TJP2: variants seen among roughly 807,000 people sequenced by gnomAD.
The protein encoded by TJP2 is tight junction protein 2.
Under a neutral mutation model 133.1 loss-of-function variants are expected in TJP2, and 91 were observed. The ratio of observed to expected loss-of-function variants is 0.68; its 90% CI spans 0.58 to 0.81. The LOEUF is 0.81. Ranked by LOEUF, TJP2 falls within the 40% of genes least tolerant of loss-of-function variation. TJP2 has a pLI of 0.00. For missense variants in TJP2, 1,541 were observed against 1,565.6 expected (o/e 0.98, Z 0.26); for synonymous variants, 592 against 583.4 (o/e 1.01, Z -0.21).
At chr9:69,173,748 C>A (rs1410052306), upstream of TJP2, among the ~76,000 whole-genome samples, 1 of 152,186 alleles carries the variant, frequency 6.6e-6, no homozygotes, top group Non-Finnish European at 1.5e-5. Context: ...ACTGAAGCTG[C>A]CTGTGTGAGG....
intron 3 of TJP2, 127 bp downstream of exon 3, chr9:69,216,590 A>G (rs1828400329): frequency 1.9e-6 from 2 of 1,056,958 alleles, no homozygotes; most frequent in East Asian, 2.6e-5. Flanking sequence ...ATAATATTTG[A>G]AAAGTCTTCA....
intron 1 of TJP2, among the ~76,000 whole-genome samples, chr9:69,206,601 G>A (rs1014483651): frequency 1.3e-5 from 2 of 149,524 alleles, no homozygotes; most frequent in South Asian, 2.1e-4. Context: ...TTTTTGAGAC[G>A]GAGTCTTGCT....
At chr9:69,127,416 A>G (rs143312969) in intron 1 of TJP2, among the ~76,000 whole-genome samples, 1,383 of 75,914 alleles carry the variant, frequency 0.018, 515 homozygotes, top group African/African-American at 0.044. Context: ...TTAGCTGGGC[A>G]TGGTAGTTTA....
intron 2 of TJP2, among the ~76,000 whole-genome samples, chr9:69,166,617 G>A (rs962043880): frequency 6.6e-6 from 1 of 151,888 alleles, no homozygotes; most frequent in African/African-American, 2.4e-5. Flanking sequence ...TGGGATTACA[G>A]GCATGCGCCA....
upstream of TJP2, among the ~76,000 whole-genome samples, chr9:69,169,306 A>C (rs952157430): frequency 2.0e-5 from 3 of 150,326 alleles, no homozygotes; most frequent in Admixed American, 2.0e-4. Context: ...AGTCTACTTT[A>C]CAGTGTACAC....
intron 18 of TJP2, 72 bp from the exon 19 acceptor site, chr9:69,247,940 G>A (rs1831040903): frequency 1.4e-6 from 2 of 1,448,046 alleles, no homozygotes; most frequent in South Asian, 2.9e-5. Flanking sequence ...TGTGTCCTTG[G>A]GAATTTTCTT....
chr9:69,194,141 G>A (rs1445795064), intron 1 of TJP2, among the ~76,000 whole-genome samples: 2 of 152,034 alleles, frequency 1.3e-5, no homozygotes, highest in African/African-American at 4.8e-5. Flanking sequence ...GCCTCTATAA[G>A]GAATTCACAG....
intron 1 of TJP2, among the ~76,000 whole-genome samples, chr9:69,203,192 C>G (rs1827124508): frequency 8.2e-6 from 1 of 122,180 alleles, no homozygotes; most frequent in African/African-American, 2.8e-5. Context: ...AGTGAGCCAG[C>G]CCATGGGCTG....
intron 11 of TJP2, among the ~76,000 whole-genome samples, chr9:69,231,546 G>A (rs1829785776): frequency 6.6e-6 from 1 of 152,002 alleles, no homozygotes; most frequent in East Asian, 1.9e-4. Context: ...CAAGGAGAGG[G>A]GAGAAAAAAG....
intron 20 of TJP2, among the ~76,000 whole-genome samples, chr9:69,250,114 A>AT (rs1247359978): frequency 6.6e-6 from 1 of 152,010 alleles, no homozygotes; most frequent in African/African-American, 2.4e-5. Flanking sequence ...TATTATTACT[A>AT]TTTTTTGAGA....
chr9:69,151,542 T>A, intron 1 of TJP2: 2 of 1,084,512 alleles, frequency 1.8e-6, no homozygotes, highest in Non-Finnish European at 2.3e-6. Context: ...CTAAAAGCCA[T>A]CCTAAAAACG....
intron 17 of TJP2, among the ~76,000 whole-genome samples, chr9:69,242,430 C>G (rs552764835): frequency 6.6e-6 from 1 of 152,204 alleles, no homozygotes; most frequent in Non-Finnish European, 1.5e-5. Flanking sequence ...CCCTGGCACA[C>G]CAAGCCATTT....
At chr9:69,249,532 C>A (rs1831180104) in intron 20 of TJP2, 47 bp downstream of exon 20, 1 of 1,562,734 alleles carries the variant, frequency 6.4e-7, no homozygotes, top group Non-Finnish European at 8.7e-7. Context: ...GAAGCAGATG[C>A]CTCTGAAGCC....
intron 20 of TJP2, 82 bp from the exon 21 acceptor site, chr9:69,250,953 A>G: frequency 1.5e-6 from 2 of 1,341,168 alleles, no homozygotes; most frequent in Non-Finnish European, 2.1e-6. Flanking sequence ...CTGATCAGGA[A>G]ATGGAGTGTA....
intron 1 of TJP2, among the ~76,000 whole-genome samples, chr9:69,178,096 C>T (rs148504868): frequency 3.9e-4 from 59 of 152,058 alleles, no homozygotes; most frequent in African/African-American, 1.3e-3. Context: ...GCTTCATCAT[C>T]CTAGATAACC....
chr9:69,187,435 T>C (rs1825929300), intron 1 of TJP2, among the ~76,000 whole-genome samples: 1 of 152,254 alleles, frequency 6.6e-6, no homozygotes, highest in Non-Finnish European at 1.5e-5. Context: ...CATTTCTGTT[T>C]CTCTGTCTCT....
chr9:69,133,794 G>A (rs1338978897), intron 1 of TJP2, among the ~76,000 whole-genome samples: 2 of 150,726 alleles, frequency 1.3e-5, no homozygotes, highest in Non-Finnish European at 3.0e-5. Context: ...CAAGTGACCC[G>A]CCTGCCTCAG....
At chr9:69,235,957 A>G in intron 12 of TJP2, 71 bp from the exon 13 acceptor site, 1 of 1,397,586 alleles carries the variant, frequency 7.2e-7, no homozygotes, top group South Asian at 1.2e-5. Context: ...AGATAGGAGA[A>G]GCTGTGTTGA....
At chr9:69,148,113 G>A (rs1011126408) in intron 1 of TJP2, among the ~76,000 whole-genome samples, 3 of 151,836 alleles carry the variant, frequency 2.0e-5, no homozygotes, top group Admixed American at 6.6e-5. Flanking sequence ...TAGTGGACAC[G>A]GGGTTTCTCC....
Sources: allele counts gnomAD v4.1 joint callset (sites outside exome capture counted in the v4.1 genomes callset), GRCh38; gene constraint gnomAD v4.1.1; transcripts MANE v1.5; gene names NCBI Gene and HGNC (gene_info 2026-07-23, HGNC 2026-07-21).